Variants in WDR44 observed in about 807,000 individuals in gnomAD.
WDR44 encodes the protein WD repeat domain 44.
WDR44 carries 9 observed loss-of-function variants against 65.7 expected under a neutral mutation model. The ratio of observed to expected loss-of-function variants is 0.14; its 90% CI spans 0.08 to 0.24. WDR44 has a LOEUF of 0.24. WDR44 is among the 10% of genes least tolerant of loss of function. The pLI is 1.00. For missense variants in WDR44, 425 were observed against 670.9 expected (o/e 0.63, Z 4.05); for synonymous variants, 220 against 235.2 (o/e 0.94, Z 0.59).
chrX:118,395,194 A>G (rs1049423287), intron 5 of WDR44, 55 bp from the exon 6 acceptor site: 3 of 1,066,420 alleles, frequency 2.8e-6, no homozygotes, highest in Admixed American at 5.0e-5. Context: ...GTAATAATTG[A>G]AAATTTATAG....
intron 9 of WDR44, among the ~76,000 whole-genome samples, chrX:118,406,463 A>G (rs2056968652): frequency 1.8e-5 from 2 of 111,361 alleles, no homozygotes; most frequent in Admixed American, 1.9e-4. Flanking sequence ...ACATATCTTA[A>G]CCTCCTATGC....
chrX:118,358,670 A>G (rs1396580714), intron 1 of WDR44, among the ~76,000 whole-genome samples: 2 of 111,768 alleles, frequency 1.8e-5, no homozygotes, highest in Non-Finnish European at 3.8e-5. Context: ...GCACCACTGC[A>G]CTCCAGCCTG....
At chrX:118,432,962 C>A (rs1053114262) in intron 13 of WDR44, 68 bp downstream of exon 13, 19 of 995,488 alleles carry the variant, frequency 1.9e-5, no homozygotes, top group Non-Finnish European at 2.7e-5. Context: ...AGTCTTAAAG[C>A]AGAATTTCTT....
At chrX:118,380,488 G>A (rs2056704714) in intron 2 of WDR44, among the ~76,000 whole-genome samples, 1 of 111,769 alleles carries the variant, frequency 8.9e-6, no homozygotes, top group Non-Finnish European at 1.9e-5. Context: ...GTGACCTTAT[G>A]GGATTGGTTG....
At chrX:118,427,683 C>CTT (rs1226853723) in intron 12 of WDR44, among the ~76,000 whole-genome samples, 3 of 91,712 alleles carry the variant, frequency 3.3e-5, no homozygotes, top group African/African-American at 4.0e-5. Flanking sequence ...GGGCAGGAAT[C>CTT]TTTTTTTTTT....
intron 1 of WDR44, among the ~76,000 whole-genome samples, chrX:118,376,801 C>T (rs2056664376): frequency 9.1e-6 from 1 of 109,890 alleles, no homozygotes; most frequent in African/African-American, 3.3e-5. Flanking sequence ...CCCAGGAGTT[C>T]GAGACCACCT....
chrX:118,393,353 C>G, intron 4 of WDR44, 82 bp downstream of exon 4: 1 of 1,043,304 alleles, frequency 9.6e-7, no homozygotes, highest in Non-Finnish European at 1.3e-6. Context: ...GAGGCCAAGG[C>G]GGGCGGATCG....
chrX:118,419,375 A>G (rs534634552), intron 12 of WDR44, among the ~76,000 whole-genome samples: 42 of 111,832 alleles, frequency 3.8e-4, no homozygotes, highest in African/African-American at 1.2e-3. Context: ...CTCTACTTCT[A>G]TATTTCGCTG....
chrX:118,427,101 A>G (rs1449050051), intron 12 of WDR44, among the ~76,000 whole-genome samples: 1 of 111,251 alleles, frequency 9.0e-6, no homozygotes, highest in African/African-American at 3.3e-5. Context: ...AAAAGTACCT[A>G]TAAATATACA....
chrX:118,352,797 G>T (rs1007045605), intron 1 of WDR44, among the ~76,000 whole-genome samples: 1 of 110,429 alleles, frequency 9.1e-6, no homozygotes, highest in Non-Finnish European at 1.9e-5. Context: ...AGATCATGCA[G>T]GTTGTGGTGA....
intron 12 of WDR44, among the ~76,000 whole-genome samples, chrX:118,430,252 A>G (rs1423206345): frequency 4.7e-5 from 5 of 107,368 alleles, no homozygotes; most frequent in African/African-American, 1.7e-4. Flanking sequence ...TTTATAACTT[A>G]AAAAATTTAG....
At chrX:118,440,695 G>T (rs2057297323) in intron 14 of WDR44, among the ~76,000 whole-genome samples, 1 of 111,512 alleles carries the variant, frequency 9.0e-6, no homozygotes, top group South Asian at 3.7e-4. Flanking sequence ...CAAAATGCAG[G>T]TTAACTGAGA....
At position 118,387,497 on chromosome X, in the gene WDR44, T is replaced by A. The variant is rs1295430608; in HGVS notation, c.186+83T>A. Reference sequence around the variant, plus strand: ...ATTTCAAACAGCTTTTATATTCTTTTAGTATAGCGCTCTGTACATGGCTGA... The same window carrying A: ...ATTTCAAACAGCTTTTATATTCTTTAAGTATAGCGCTCTGTACATGGCTGA... On this transcript the variant is annotated intron_variant, in intron 3 of 19. Coordinates refer to ENST00000254029, the MANE Select transcript of WDR44 (RefSeq NM_019045.5). 7.5e-6 allele frequency: 5 copies of A among 666,612 alleles called. No homozygotes were observed. The East Asian group carries it at 1.9e-4, about 25-fold the overall frequency. The allele number at this position is 666,612 out of a possible 1,213,427, so 54.9% of individuals were successfully genotyped here. A position where few individuals can be genotyped will look rare whatever the true frequency, so the allele number is the denominator to read the frequency against.
chrX:118,359,016 G>A (rs911564298), intron 1 of WDR44, among the ~76,000 whole-genome samples: 19 of 110,446 alleles, frequency 1.7e-4, no homozygotes, highest in African/African-American at 6.3e-4. Context: ...AGAGGTTGCA[G>A]TGAGCCAAGA....
At position 118,441,355 on chromosome X, in the gene WDR44, G is replaced by A; in HGVS notation, c.1975-13G>A. 8.5e-7 allele frequency: 1 copy of A among 1,180,703 alleles called. No homozygotes were observed. Among genetic ancestry groups the A allele is most frequent in the Non-Finnish European group, 1.1e-6 (1 of 877,846 alleles). The stretch of plus-strand genomic sequence containing the variant: ...TGGTAAAATGAAAACTTTCTCTGTT[G>A]CCACCTCTTTAGGATGACAGGTATT... On this transcript the variant is annotated splice_polypyrimidine_tract_variant and intron_variant, in intron 14 of 19. Coordinates refer to ENST00000254029, the MANE Select transcript of WDR44 (RefSeq NM_019045.5).
intron 13 of WDR44, among the ~76,000 whole-genome samples, chrX:118,434,634 G>T (rs2057239202): frequency 9.0e-6 from 1 of 111,423 alleles, no homozygotes; most frequent in African/African-American, 3.3e-5. Flanking sequence ...ATGAGGTGCT[G>T]CCCCATGCAG....
intron 13 of WDR44, among the ~76,000 whole-genome samples, chrX:118,435,567 G>A (rs968907056): frequency 9.8e-5 from 11 of 112,631 alleles, no homozygotes; most frequent in African/African-American, 3.5e-4. Context: ...ACAGGCATGG[G>A]CCACTGTGTC....
rs1158966173 is a variant in WDR44 at position 118,449,213 on chromosome X, T to A, written c.*226T>A. On this transcript the variant is annotated 3_prime_UTR_variant, in exon 20 of 20. Transcript: ENST00000254029. Reference sequence around the variant, plus strand: ...CCAAACATTAGGCTTTATGTTTTGTTATGTTTGTGTTTTCGTTGTATAATT... The same window carrying A: ...CCAAACATTAGGCTTTATGTTTTGTAATGTTTGTGTTTTCGTTGTATAATT... 1 of 230,274 alleles carries A rather than the reference T, an allele frequency of 4.3e-6. No individual in the cohort carries two copies. The highest frequency in any genetic ancestry group is 7.8e-6 in the Non-Finnish European group (1 of 127,395). 19.0% of individuals were successfully genotyped at this position (230,274 alleles called of 1,213,427 possible). A position where few individuals can be genotyped will look rare whatever the true frequency, so the allele number is the denominator to read the frequency against.
At chrX:118,353,772 A>AT (rs936040485) in intron 1 of WDR44, among the ~76,000 whole-genome samples, 5 of 112,155 alleles carry the variant, frequency 4.5e-5, no homozygotes, top group Non-Finnish European at 7.5e-5. Context: ...TGCAAATGTG[A>AT]TTTTAGACTC....
Sources: gnomAD v4.1 joint callset for allele counts (sites outside exome capture counted in the v4.1 genomes callset) on GRCh38, gnomAD v4.1.1 for gene constraint, MANE v1.5 for transcripts, NCBI Gene and HGNC (gene_info 2026-07-23, HGNC 2026-07-21) for gene names.